RORB: variants seen among roughly 807,000 people sequenced by gnomAD.
RORB encodes nuclear receptor ROR-beta.
Under a neutral mutation model 59.1 loss-of-function variants are expected in RORB, and 6 were observed. The observed-to-expected ratio is 0.10, with a 90% CI of 0.06 to 0.20. RORB has a LOEUF of 0.20. Among genes scored for constraint, RORB ranks in the 10% least tolerant of loss-of-function variants. The pLI is 1.00. For missense variants in RORB, 320 were observed against 560.5 expected (o/e 0.57, Z 4.33); for synonymous variants, 215 against 204.5 (o/e 1.05, Z -0.44).
intron 1 of RORB, among the ~76,000 whole-genome samples, chr9:74,552,590 G>C (rs190834489): frequency 6.6e-6 from 1 of 152,078 alleles, no homozygotes; most frequent in East Asian, 1.9e-4. Context: ...GTTCAACGTA[G>C]GGTCATGTTT....
chr9:74,614,726 C>G (rs1823284670), intron 1 of RORB, among the ~76,000 whole-genome samples: 1 of 152,072 alleles, frequency 6.6e-6, no homozygotes, highest in Non-Finnish European at 1.5e-5. Context: ...CTGAGCAACT[C>G]TAAGTAAAGT....
chr9:74,594,788 A>G (rs1013529276), intron 1 of RORB, among the ~76,000 whole-genome samples: 1 of 152,228 alleles, frequency 6.6e-6, no homozygotes, highest in Non-Finnish European at 1.5e-5. Context: ...GAGGAAAAGA[A>G]GAAAGAAAAA....
At chr9:74,652,203 T>C (rs1034926912) in intron 4 of RORB, among the ~76,000 whole-genome samples, 1 of 152,202 alleles carries the variant, frequency 6.6e-6, no homozygotes, top group South Asian at 2.1e-4. Flanking sequence ...GGCCAGGAGT[T>C]TGAGACCAGA....
chr9:74,499,099 C>T (rs931998852), intron 1 of RORB: 9 of 153,000 alleles, frequency 5.9e-5, no homozygotes, highest in African/African-American at 2.2e-4. Flanking sequence ...ACCCCCACTC[C>T]CAGTCCCTCT....
intron 1 of RORB, among the ~76,000 whole-genome samples, chr9:74,576,381 C>A (rs113978525): frequency 5.3e-5 from 8 of 152,218 alleles, no homozygotes; most frequent in Admixed American, 2.0e-4. Flanking sequence ...ATTCTGTGGC[C>A]TGCCTTGAAG....
chr9:74,606,019 T>C (rs1347390738), intron 1 of RORB, among the ~76,000 whole-genome samples: 2 of 152,186 alleles, frequency 1.3e-5, no homozygotes, highest in African/African-American at 4.8e-5. Flanking sequence ...ATGTGGAGAA[T>C]CGCCAATCTA....
chr9:74,578,663 AG>A (rs1351289833), intron 1 of RORB, among the ~76,000 whole-genome samples: 1 of 126,026 alleles, frequency 7.9e-6, no homozygotes, highest in South Asian at 3.2e-4. Context: ...TGAATTGTAA[AG>A]GTTTATTTGG....
Position 74,497,801 on chromosome 9 carries a change from G to T in RORB, c.-176G>T. The stretch of plus-strand genomic sequence containing the variant: ...ACATCAAAACTGTTAACATAGCGGC[G>T]GCGGCGGCAAACGTCACCCTGCAGC... On this transcript the variant is annotated 5_prime_UTR_variant, in exon 1 of 10. Transcript: ENST00000376896. The T allele has an allele frequency of 1.6e-6, 1 of 626,294 alleles. No homozygotes were observed. The highest frequency in any genetic ancestry group is 2.0e-5 in the South Asian group (1 of 51,202). The allele number at this position is 626,294 out of a possible 1,614,324, so 38.8% of individuals were successfully genotyped here. A position where few individuals can be genotyped will look rare whatever the true frequency, so the allele number is the denominator to read the frequency against.
intron 9 of RORB, among the ~76,000 whole-genome samples, chr9:74,682,758 T>G (rs11144060): frequency 0.13 from 20,491 of 152,190 alleles, 1,788 homozygotes; most frequent in Non-Finnish European, 0.18. Context: ...TAATTTACTT[T>G]TTTAAGAATT....
intron 4 of RORB, among the ~76,000 whole-genome samples, chr9:74,645,280 T>A (rs1323588449): frequency 1.3e-5 from 2 of 152,186 alleles, no homozygotes; most frequent in Non-Finnish European, 2.9e-5. Context: ...CACAATAGTA[T>A]AATATACTGT....
intron 3 of RORB, among the ~76,000 whole-genome samples, chr9:74,636,492 A>ACAAAATT (rs1823705311): frequency 6.6e-6 from 1 of 152,188 alleles, no homozygotes; most frequent in Non-Finnish European, 1.5e-5. Context: ...AGACGGTCTG[A>ACAAAATT]ATCCCGTAAC....
intron 1 of RORB, among the ~76,000 whole-genome samples, chr9:74,628,985 C>T (rs1446168394): frequency 6.6e-6 from 1 of 152,102 alleles, no homozygotes; most frequent in East Asian, 1.9e-4. Context: ...CACCATATTC[C>T]ACCAAAGTAA....
intron 1 of RORB, among the ~76,000 whole-genome samples, chr9:74,538,512 G>A (rs1160135575): frequency 1.3e-5 from 2 of 152,058 alleles, no homozygotes; most frequent in Admixed American, 6.6e-5. Context: ...TATTGTGAAA[G>A]TGCTTCCTCT....
intron 5 of RORB, among the ~76,000 whole-genome samples, chr9:74,661,255 G>A (rs1824175002): frequency 6.6e-6 from 1 of 152,150 alleles, no homozygotes; most frequent in South Asian, 2.1e-4. Context: ...CTTTGGGTTT[G>A]TTGAAGAAGT....
chr9:74,523,787 T>C (rs1826115454), intron 1 of RORB, among the ~76,000 whole-genome samples: 1 of 151,902 alleles, frequency 6.6e-6, no homozygotes, highest in African/African-American at 2.4e-5. Flanking sequence ...TAATCTTTTG[T>C]TTCCTGTTGA....
Position 74,671,769 on chromosome 9 carries a change from C to G in RORB, c.1112-20C>G, listed in dbSNP as rs1357890332. ...ACAAAGTTGATGTTCCCTCCACTTA[C>G]CCACTCTTTCTTTCATCAGACCGAG... On this transcript the variant is annotated intron_variant, in intron 8 of 9. Coordinates refer to ENST00000376896, the MANE Select transcript of RORB (RefSeq NM_006914.4). 2 of 1,506,846 alleles carry G rather than the reference C, an allele frequency of 1.3e-6. No individual in the cohort carries two copies. The highest frequency in any genetic ancestry group is 1.7e-5 in the Admixed American group (1 of 57,840). 93.3% of individuals were successfully genotyped at this position (1,506,846 alleles called of 1,614,324 possible). A position where few individuals can be genotyped will look rare whatever the true frequency, so the allele number is the denominator to read the frequency against.
chr9:74,497,794 T>G lies in RORB; in HGVS notation c.-183T>G, dbSNP rs946510535. 1 of 619,854 alleles carries G rather than the reference T, an allele frequency of 1.6e-6. No homozygotes were observed. Among genetic ancestry groups the G allele is most frequent in the Non-Finnish European group, 2.9e-6 (1 of 345,746 alleles). 38.4% of individuals were successfully genotyped at this position (619,854 alleles called of 1,614,324 possible). A position where few individuals can be genotyped will look rare whatever the true frequency, so the allele number is the denominator to read the frequency against. ...ACCACCAACATCAAAACTGTTAACA[T>G]AGCGGCGGCGGCGGCAAACGTCACC... is the stretch of plus-strand genomic sequence containing the variant. On this transcript the variant is annotated 5_prime_UTR_variant, in exon 1 of 10. Coordinates refer to ENST00000376896, the MANE Select transcript of RORB (RefSeq NM_006914.4).
At chr9:74,651,928 C>T (rs1218892702) in intron 4 of RORB, among the ~76,000 whole-genome samples, 1 of 152,198 alleles carries the variant, frequency 6.6e-6, no homozygotes, top group African/African-American at 2.4e-5. Context: ...AAATTAGACA[C>T]ACACTGTTGC....
At chr9:74,627,774 T>C (rs2118407384) in intron 1 of RORB, among the ~76,000 whole-genome samples, 1 of 151,858 alleles carries the variant, frequency 6.6e-6, no homozygotes, top group South Asian at 2.1e-4. Flanking sequence ...TTATAAACAA[T>C]CCAACATTTG....
Sources: allele counts gnomAD v4.1 joint callset (sites outside exome capture counted in the v4.1 genomes callset), GRCh38; gene constraint gnomAD v4.1.1; transcripts MANE v1.5; gene names NCBI Gene and HGNC (gene_info 2026-07-23, HGNC 2026-07-21).